The following FHOD3 variants were observed in gnomAD, a reference collection of about 807,000 sequenced individuals.
FHOD3 encodes formin homology 2 domain containing 3.
Under a neutral mutation model 173.0 loss-of-function variants are expected in FHOD3, and 90 were observed. The ratio of observed to expected loss-of-function variants is 0.52; its 90% CI spans 0.44 to 0.62. FHOD3 has a LOEUF of 0.62. Ranked by LOEUF, FHOD3 falls within the 20% of genes least tolerant of loss-of-function variation. FHOD3 has a pLI of 0.00. For missense variants in FHOD3, 1,945 were observed against 2,034.7 expected (o/e 0.96, Z 0.85); for synonymous variants, 828 against 823.0 (o/e 1.01, Z -0.10).
rs544199730 is a variant in FHOD3 at position 36,389,541 on chromosome 18, A to G, written c.337+16797A>G. On this transcript the variant is annotated intron_variant, in intron 3 of 28. Coordinates refer to ENST00000590592, the MANE Select transcript of FHOD3 (RefSeq NM_001281740.3). ...GCTGGACTCAGTGCCAGTCCCGCAT[A>G]CTCCTCACTTCCATTTCTCAGTGGA... Among the ~76,000 whole-genome samples the G allele has an allele frequency of 9.9e-5, 15 of 151,112 alleles. No homozygotes were observed. In the South Asian group the frequency reaches 3.1e-3, roughly 32 times the overall value.
chr18:36,643,742 A>G (rs1172528446), intron 10 of FHOD3, among the ~76,000 whole-genome samples: 1 of 152,104 alleles, frequency 6.6e-6, no homozygotes, highest in African/African-American at 2.4e-5. Flanking sequence ...GGCTGTGTTC[A>G]TGTATTTTGT....
intron 8 of FHOD3, among the ~76,000 whole-genome samples, chr18:36,605,329 A>G (rs1038666514): frequency 1.3e-5 from 2 of 152,200 alleles, no homozygotes; most frequent in Non-Finnish European, 2.9e-5. Flanking sequence ...TGATCATAGC[A>G]GTACCCACAC....
chr18:36,412,120 C>T (rs77069855), intron 3 of FHOD3, among the ~76,000 whole-genome samples: 10,442 of 152,168 alleles, frequency 0.069, 425 homozygotes, highest in East Asian at 0.2. Context: ...CAGGAAGGGG[C>T]GGGGCTGGAG....
intron 1 of FHOD3, among the ~76,000 whole-genome samples, chr18:36,302,314 A>G (rs2091975019): frequency 6.6e-6 from 1 of 152,172 alleles, no homozygotes; most frequent in African/African-American, 2.4e-5. Context: ...CAGTGAGGAT[A>G]GAATCTAGCT....
At chr18:36,601,973 C>G (rs1487583706) in intron 7 of FHOD3, among the ~76,000 whole-genome samples, 10 of 152,206 alleles carry the variant, frequency 6.6e-5, no homozygotes, top group Admixed American at 2.0e-4. Flanking sequence ...TCTCTTGTGC[C>G]AAGTCCCCTG....
At chr18:36,649,023 G>C (rs2035870028) in intron 10 of FHOD3, among the ~76,000 whole-genome samples, 1 of 152,106 alleles carries the variant, frequency 6.6e-6, no homozygotes, top group Non-Finnish European at 1.5e-5. Flanking sequence ...GCATGTAGGG[G>C]GTGCAGGGTA....
intron 23 of FHOD3, among the ~76,000 whole-genome samples, chr18:36,745,673 C>A (rs777344935): frequency 2.0e-5 from 3 of 152,038 alleles, no homozygotes; most frequent in African/African-American, 7.2e-5. Context: ...GGCTTACCTC[C>A]GCGCCCCTGC....
intron 25 of FHOD3, among the ~76,000 whole-genome samples, chr18:36,757,993 C>G (rs1291860074): frequency 6.6e-6 from 1 of 152,184 alleles, no homozygotes; most frequent in African/African-American, 2.4e-5. Context: ...TGCCAGCTTC[C>G]TCTTCTATAG....
intron 19 of FHOD3, among the ~76,000 whole-genome samples, chr18:36,719,655 C>T (rs772697281): frequency 1.3e-5 from 2 of 152,144 alleles, no homozygotes; most frequent in Admixed American, 6.5e-5. Flanking sequence ...ATTTTAACTC[C>T]CTGCGTTGCT....
intron 5 of FHOD3, among the ~76,000 whole-genome samples, chr18:36,513,451 A>G (rs1014821334): frequency 6.6e-6 from 1 of 152,234 alleles, no homozygotes; most frequent in Non-Finnish European, 1.5e-5. Context: ...TCCCCTCTGT[A>G]TCTATGCCTG....
At chr18:36,751,938 T>A (rs2042419042) in intron 24 of FHOD3, among the ~76,000 whole-genome samples, 1 of 152,104 alleles carries the variant, frequency 6.6e-6, no homozygotes, top group South Asian at 2.1e-4. Context: ...TAAAGACATA[T>A]CCGAGACTGG....
intron 5 of FHOD3, among the ~76,000 whole-genome samples, chr18:36,563,910 T>G (rs913235111): frequency 6.6e-6 from 1 of 152,102 alleles, no homozygotes; most frequent in African/African-American, 2.4e-5. Flanking sequence ...TCCACTCTGC[T>G]TGGGCTTAAT....
chr18:36,535,998 A>G (rs1568396778), intron 5 of FHOD3, among the ~76,000 whole-genome samples: 3 of 152,202 alleles, frequency 2.0e-5, no homozygotes, highest in Non-Finnish European at 4.4e-5. Flanking sequence ...TGTTTTTATA[A>G]CTCAGATTTA....
At chr18:36,498,719 T>A (rs1429153690) in intron 3 of FHOD3, among the ~76,000 whole-genome samples, 1 of 152,150 alleles carries the variant, frequency 6.6e-6, no homozygotes, top group Admixed American at 6.5e-5. Flanking sequence ...ACTCACAAAA[T>A]TCGCATTGTC....
chr18:36,752,122 G>T, intron 24 of FHOD3, among the ~76,000 whole-genome samples: 1 of 152,114 alleles, frequency 6.6e-6, no homozygotes, highest in South Asian at 2.1e-4. Context: ...ATCAGATCTC[G>T]TGAGATCTTA....
intron 5 of FHOD3, among the ~76,000 whole-genome samples, chr18:36,521,869 C>A (rs882877): frequency 0.39 from 58,899 of 151,996 alleles, 12,667 homozygotes; most frequent in Non-Finnish European, 0.49. Flanking sequence ...CCACTCCCTG[C>A]CATCCCAGGG....
intron 17 of FHOD3, among the ~76,000 whole-genome samples, chr18:36,698,386 C>T (rs369297314): frequency 3.9e-5 from 6 of 152,120 alleles, no homozygotes; most frequent in African/African-American, 1.4e-4. Context: ...TATTTGGAAA[C>T]ATTAATTGGG....
intron 14 of FHOD3, among the ~76,000 whole-genome samples, chr18:36,662,332 A>G (rs146919357): frequency 2.1e-3 from 327 of 152,294 alleles, no homozygotes; most frequent in African/African-American, 7.5e-3. Context: ...GAGTAAGCCT[A>G]TCCTGCACTG....
chr18:36,320,891 G>A (rs2044359735), intron 1 of FHOD3, among the ~76,000 whole-genome samples: 1 of 152,196 alleles, frequency 6.6e-6, no homozygotes, highest in Admixed American at 6.5e-5. Flanking sequence ...CAGAAATCCT[G>A]AACTTCAGGG....
Sources: gnomAD v4.1 joint callset for allele counts (sites outside exome capture counted in the v4.1 genomes callset) on GRCh38, gnomAD v4.1.1 for gene constraint, MANE v1.5 for transcripts, NCBI Gene and HGNC (gene_info 2026-07-23, HGNC 2026-07-21) for gene names.